Variants in SERINC1 observed in about 807,000 individuals in gnomAD.
The protein encoded by SERINC1 is tumor differentially expressed protein 2.
A neutral mutation model predicts 52.9 loss-of-function variants in SERINC1; 38 were observed. That is an observed-to-expected ratio of 0.72 (90% confidence interval 0.55 to 0.94). The LOEUF is 0.94. SERINC1 is among the 40% of genes least tolerant of loss of function. SERINC1 has a pLI of 0.00. For missense variants in SERINC1, 471 were observed against 533.9 expected, an observed-to-expected ratio of 0.88 and a Z score of 1.16; for synonymous variants, 198 against 183.1, an observed-to-expected ratio of 1.08 and a Z score of -0.66.
intron 3 of SERINC1, chr6:122,454,468 G>T: frequency 2.4e-6 from 1 of 418,390 alleles, no homozygotes; most frequent in South Asian, 3.3e-5. Flanking sequence ...ATGAACCCAA[G>T]CTTATATTAT....
intron 7 of SERINC1, 82 bp from the exon 8 acceptor site, chr6:122,447,347 C>A: frequency 9.9e-7 from 1 of 1,008,886 alleles, no homozygotes. Context: ...TTTTAACTCT[C>A]TATACCCCTG....
intron 2 of SERINC1, 94 bp from the exon 3 acceptor site, chr6:122,456,744 A>G (rs1775004305): frequency 1.1e-6 from 1 of 920,724 alleles, no homozygotes; most frequent in Non-Finnish European, 1.6e-6. Context: ...AAAGGTTTAG[A>G]AAACTGGCAT....
chr6:122,463,593 G>T (rs1386223084), intron 1 of SERINC1, among the ~76,000 whole-genome samples: 3 of 152,026 alleles, frequency 2.0e-5, no homozygotes, highest in Non-Finnish European at 2.9e-5. Flanking sequence ...AATAAGCAAA[G>T]AAAAAGTGCT....
At chr6:122,445,896 A>AAAAAAAAAAAAAAAAAAAAAAC in intron 9 of SERINC1, among the ~76,000 whole-genome samples, 2 of 149,114 alleles carry the variant, frequency 1.3e-5, no homozygotes, top group African/African-American at 4.9e-5. Context: ...AAAAAAAAAA[A>AAAAAAAAAAAAAAAAAAAAAAC]AAAAGAACCA....
chr6:122,461,716 T>A (rs1460056826), intron 1 of SERINC1, among the ~76,000 whole-genome samples: 10 of 146,676 alleles, frequency 6.8e-5, no homozygotes, highest in Admixed American at 6.8e-4. Flanking sequence ...TAAGGCAAAA[T>A]AAAGACATTT....
Position 122,458,446 on chromosome 6 carries a change from C to G in SERINC1, c.201+74G>C. On this transcript the variant is annotated intron_variant, in intron 2 of 9. Transcript: ENST00000339697. Reference sequence around the variant, plus strand: ...TCTATATTATTCTGTTTACAATATCCCCGAATCAATTTTATACATATACAT... The same window carrying G: ...TCTATATTATTCTGTTTACAATATCGCCGAATCAATTTTATACATATACAT... 4 of 974,356 alleles carry G rather than the reference C, an allele frequency of 4.1e-6. No homozygotes were observed. The South Asian group carries it at 7.2e-5, about 18-fold the overall frequency. 60.4% of individuals were successfully genotyped at this position (974,356 alleles called of 1,614,324 possible). A position where few individuals can be genotyped will look rare whatever the true frequency, so the allele number is the denominator to read the frequency against.
At chr6:122,447,390 A>G (rs1774825268) in intron 7 of SERINC1, 125 bp from the exon 8 acceptor site, 6 of 647,352 alleles carry the variant, frequency 9.3e-6, no homozygotes, top group Non-Finnish European at 1.6e-5. Context: ...AAAAGGCATC[A>G]GTATAACAAA....
At position 122,456,481 on chromosome 6, in the gene SERINC1, C is replaced by G. The variant is rs759268620; in HGVS notation, c.371G>C (p.Gly124Ala). 2.6e-6 allele frequency: 4 copies of G among 1,536,018 alleles called. No homozygotes were observed. The highest frequency in any genetic ancestry group is 3.5e-6 in the Non-Finnish European group (4 of 1,145,090). Residue 124 changes from glycine to alanine, a missense_variant and splice_region_variant, in exon 3 of 10, where the codon GGA (glycine) becomes GCA (alanine). Physicochemically the swap from Gly to Ala is moderately conservative, Grantham distance 60. Coordinates refer to ENST00000339697, the MANE Select transcript of SERINC1 (RefSeq NM_020755.4). ...SSDPRAAVHN[G>A]FWFFKFAAAI... is the part of the protein sequence containing the mutation. ...TATTGAAGCTTATTTAAAAACTTACCCATTGTGCACTGCAGCTCTAGGATC... is the reference window on the plus strand; with the variant it reads ...TATTGAAGCTTATTTAAAAACTTACGCATTGTGCACTGCAGCTCTAGGATC...
intron 1 of SERINC1, among the ~76,000 whole-genome samples, chr6:122,466,492 G>A (rs960689140): frequency 2.0e-5 from 3 of 152,016 alleles, no homozygotes; most frequent in Admixed American, 6.6e-5. Context: ...CCATAAGCAC[G>A]CACCACCACG....
intron 1 of SERINC1, among the ~76,000 whole-genome samples, chr6:122,471,478 C>A (rs568324598): frequency 6.8e-4 from 104 of 152,318 alleles, no homozygotes; most frequent in African/African-American, 2.5e-3. Flanking sequence ...ATCTTCCCAT[C>A]GCCACTAAAC....
Position 122,446,780 on chromosome 6 carries a change from C to T in SERINC1, c.1220G>A (p.Trp407Ter). Reference protein sequence around the residue: ...SLYIMMTLTNWYRYEPSREMK... With the variant: ...SLYIMMTLTN ...TTTCATGAAATATAAATACCTGTAC[C>T]AGTTGGTAAGGGTCATCATGATATA... The change falls in exon 9 of 10, where the codon TGG becomes TAG. Residue 407 changes from tryptophan to a stop codon, truncating the protein, a stop_gained. Transcript: ENST00000339697. LOFTEE classifies it high-confidence loss of function. 6.3e-7 allele frequency: 1 copy of T among 1,598,968 alleles called. No homozygotes were observed. The highest frequency in any genetic ancestry group is 8.6e-7 in the Non-Finnish European group (1 of 1,166,428).
intron 9 of SERINC1, among the ~76,000 whole-genome samples, chr6:122,445,583 T>C (rs1273392762): frequency 2.3e-4 from 29 of 128,062 alleles, no homozygotes; most frequent in African/African-American, 8.5e-4. Flanking sequence ...CCCTCCCTTC[T>C]CAGAATTAAG....
intron 7 of SERINC1, among the ~76,000 whole-genome samples, chr6:122,451,358 G>GT (rs2114477597): frequency 6.6e-6 from 1 of 152,206 alleles, no homozygotes; most frequent in Admixed American, 6.5e-5. Flanking sequence ...ACAGACTAGT[G>GT]TAAGATAAAC....
chr6:122,453,923 A>G lies in SERINC1; in HGVS notation c.452-16T>C, dbSNP rs1316395697. The G allele has an allele frequency of 6.4e-6, 10 of 1,558,724 alleles. No homozygotes were observed. Among genetic ancestry groups the G allele is most frequent in the Non-Finnish European group, 8.7e-6 (10 of 1,152,436 alleles). ...TAAAACCACACTGAAAGGGAAAGAAAGCATACATAAGTGATTGGTTAGTTT... is the reference window on the plus strand; with the variant it reads ...TAAAACCACACTGAAAGGGAAAGAAGGCATACATAAGTGATTGGTTAGTTT... On this transcript the variant is annotated splice_polypyrimidine_tract_variant and intron_variant, in intron 4 of 9. Coordinates refer to ENST00000339697, the MANE Select transcript of SERINC1 (RefSeq NM_020755.4).
chr6:122,454,353 G>A lies in SERINC1; in HGVS notation c.372-123C>T, dbSNP rs1774961421. 8.2e-6 allele frequency: 5 copies of A among 612,200 alleles called. No individual in the cohort carries two copies. In the South Asian group the frequency reaches 1.1e-4, roughly 13 times the overall value. The allele number at this position is 612,200 out of a possible 1,614,324, so 37.9% of individuals were successfully genotyped here. On this transcript the variant is annotated intron_variant, in intron 3 of 9. Transcript: ENST00000339697. Reference sequence around the variant, plus strand: ...TTATGTGAATGTTCTACTTCTTTCTGAGGATATTATGATCTGGAGTGTAGC... The same window carrying A: ...TTATGTGAATGTTCTACTTCTTTCTAAGGATATTATGATCTGGAGTGTAGC...
chr6:122,446,386 A>G (rs1482957027), intron 9 of SERINC1, among the ~76,000 whole-genome samples: 2 of 152,172 alleles, frequency 1.3e-5, no homozygotes, highest in East Asian at 3.8e-4. Context: ...TAATGAATTC[A>G]TACTTAAATT....
intron 1 of SERINC1, among the ~76,000 whole-genome samples, chr6:122,459,909 A>T (rs1400419198): frequency 6.6e-6 from 1 of 152,212 alleles, no homozygotes; most frequent in Non-Finnish European, 1.5e-5. Context: ...TGGGATAATT[A>T]CTATAAATTC....
intron 1 of SERINC1, among the ~76,000 whole-genome samples, chr6:122,467,372 A>C (rs966220963): frequency 2.0e-5 from 3 of 152,200 alleles, no homozygotes; most frequent in African/African-American, 4.8e-5. Context: ...CGGGAGGCCA[A>C]GGCAGGTGGA....
At position 122,444,914 on chromosome 6, in the gene SERINC1, A is replaced by T; in HGVS notation, c.*130T>A. The T allele has an allele frequency of 1.2e-6, 1 of 809,164 alleles. No individual in the cohort carries two copies. The highest frequency in any genetic ancestry group is 1.9e-5 in the South Asian group (1 of 52,062). The allele number at this position is 809,164 out of a possible 1,614,324, so 50.1% of individuals were successfully genotyped here. ...AAAATAACAAAATGACAAGCAGTAA[A>T]ATCTAATTCATGCCAGAACACTGGA... On this transcript the variant is annotated 3_prime_UTR_variant, in exon 10 of 10. Transcript: ENST00000339697.
Sources: gnomAD v4.1 joint callset for allele counts (sites outside exome capture counted in the v4.1 genomes callset) on GRCh38, gnomAD v4.1.1 for gene constraint, MANE v1.5 for transcripts, NCBI Gene and HGNC (gene_info 2026-07-23, HGNC 2026-07-21) for gene names.